GABRR3: variants seen among roughly 807,000 people sequenced by gnomAD.
The protein encoded by GABRR3 is gamma-aminobutyric acid type A receptor subunit rho3.
A neutral mutation model predicts 43.2 loss-of-function variants in GABRR3; 29 were observed. That is an observed-to-expected ratio of 0.67 (90% CI 0.50 to 0.92). GABRR3 has a LOEUF of 0.92. Ranked by LOEUF, GABRR3 falls within the 40% of genes least tolerant of loss-of-function variation. GABRR3 has a pLI of 0.00. For missense variants in GABRR3, 576 were observed against 572.3 expected (o/e 1.01, Z -0.07); for synonymous variants, 206 against 195.9 (o/e 1.05, Z -0.43).
At chr3:98,016,883 T>A (rs949827819) in intron 4 of GABRR3, among the ~76,000 whole-genome samples, 7 of 151,778 alleles carry the variant, frequency 4.6e-5, no homozygotes, top group African/African-American at 1.7e-4. Context: ...ATAGAGAAAA[T>A]AAAATGGAAA....
In GABRR3 at chr3:98,006,771, G is replaced by A. The variant is rs185198270; in HGVS notation, c.754+993C>T. Among the ~76,000 whole-genome samples, 413 of 152,330 alleles carry A rather than the reference G, an allele frequency of 2.7e-3. 1 individual carries two copies. The highest frequency in any genetic ancestry group is 9.3e-3 in the African/African-American group (386 of 41,580). On this transcript the variant is annotated intron_variant, in intron 7 of 9. Coordinates refer to ENST00000621172, the Ensembl canonical transcript of GABRR3. The stretch of plus-strand genomic sequence containing the variant: ...AATATCCAGAAGGGGAATGATAGTG[G>A]AGGGTGAGGAGGGCAGAGGGGAACC...
chr3:97,993,109 C>T, intron 8 of GABRR3, 61 bp from the exon 9 acceptor site: 1 of 1,314,694 alleles, frequency 7.6e-7, no homozygotes, highest in Non-Finnish European at 1.0e-6. Flanking sequence ...GGATCTGGTG[C>T]TGAATCACAC....
chr3:97,993,138 A>G (rs1706493233), intron 8 of GABRR3, 90 bp from the exon 9 acceptor site: 2 of 1,023,606 alleles, frequency 2.0e-6, no homozygotes, highest in African/African-American at 1.6e-5. Context: ...GCATTTCTAG[A>G]ACAATATCAA....
rs374724121 is a variant in GABRR3, at chr3:97,992,846, C to T, written c.1104+6G>A. 2 of 1,599,802 alleles carry T rather than the reference C, an allele frequency of 1.3e-6. No homozygotes were observed. The highest frequency in any genetic ancestry group is 1.7e-6 in the Non-Finnish European group (2 of 1,172,792). On this transcript the variant is annotated splice_donor_region_variant and intron_variant, in intron 9 of 9. Transcript: ENST00000621172. ...AAGGGATCTGATAGTCAGAGCAAGG[C>T]TGTACCTTTCCTGTCTTCTTGAATT...
intron 7 of GABRR3, among the ~76,000 whole-genome samples, chr3:98,003,820 C>T (rs1490920832): frequency 2.0e-5 from 3 of 152,144 alleles, no homozygotes; most frequent in Admixed American, 1.3e-4. Context: ...GTAGCCCCTT[C>T]CTGTTTTCTC....
chr3:97,992,944 A>G (rs1706489383), exon 9 of GABRR3: 1 of 1,613,524 alleles, frequency 6.2e-7, no homozygotes, highest in Non-Finnish European at 8.5e-7. Flanking sequence ...ACAAAGAGGG[A>G]GCTGACCCAC....
chr3:98,000,205 G>T (rs1706621678), intron 8 of GABRR3: 1 of 152,116 alleles, frequency 6.6e-6, no homozygotes, highest in African/African-American at 2.4e-5. Context: ...GTGGTTGCAA[G>T]AAGCAGAGAA....
chr3:98,032,422 A>G (rs1223421859), intron 2 of GABRR3, among the ~76,000 whole-genome samples: 3 of 152,186 alleles, frequency 2.0e-5, no homozygotes, highest in Admixed American at 2.0e-4. Context: ...CGTTGCTCTT[A>G]TAGCATTTTT....
chr3:98,022,217 G>A (rs1165782641), intron 3 of GABRR3, among the ~76,000 whole-genome samples: 1 of 152,190 alleles, frequency 6.6e-6, no homozygotes, highest in Admixed American at 6.5e-5. Flanking sequence ...TATGGGAGAC[G>A]TAAAAGGTGG....
intron 8 of GABRR3, among the ~76,000 whole-genome samples, chr3:97,993,887 CA>C (rs956694875): frequency 1.3e-5 from 2 of 151,866 alleles, no homozygotes; most frequent in African/African-American, 4.8e-5. Context: ...ATCAAGGTTC[CA>C]GGGGGAAAAT....
At chr3:97,997,125 A>G (rs539585210) in intron 8 of GABRR3, among the ~76,000 whole-genome samples, 14 of 152,306 alleles carry the variant, frequency 9.2e-5, no homozygotes, top group African/African-American at 2.9e-4. Context: ...AAAACATGAA[A>G]TAGAGGAAGT....
intron 7 of GABRR3, among the ~76,000 whole-genome samples, chr3:98,005,803 T>C (rs832033): frequency 0.73 from 111,070 of 152,056 alleles, 41,974 homozygotes; most frequent in East Asian, 0.99. Context: ...GCCATAATTA[T>C]TGTATATTTT....
intron 8 of GABRR3, among the ~76,000 whole-genome samples, chr3:97,993,519 A>G (rs1260094076): frequency 1.3e-5 from 2 of 152,112 alleles, no homozygotes; most frequent in Admixed American, 6.6e-5. Context: ...AAAGATCTTT[A>G]GTAGCATTCA....
chr3:98,026,267 G>A (rs1707015218), intron 2 of GABRR3, among the ~76,000 whole-genome samples: 2 of 152,208 alleles, frequency 1.3e-5, no homozygotes, highest in African/African-American at 4.8e-5. Flanking sequence ...TAGAGCCTGA[G>A]GGATGGCAAT....
chr3:97,989,675 G>T (rs991601042), intron 9 of GABRR3, among the ~76,000 whole-genome samples: 1 of 151,976 alleles, frequency 6.6e-6, no homozygotes, highest in African/African-American at 2.4e-5. Flanking sequence ...AAACTGGCAC[G>T]TTTAGCTCTG....
intron 4 of GABRR3, 29 bp from the exon 5 acceptor site, chr3:98,012,596 A>C: frequency 6.5e-7 from 1 of 1,537,350 alleles, no homozygotes; most frequent in Non-Finnish European, 9.0e-7. Flanking sequence ...AGACCAAAAA[A>C]ACCAGTAGGA....
At chr3:98,015,049 C>T (rs1435803542) in intron 4 of GABRR3, among the ~76,000 whole-genome samples, 1 of 152,020 alleles carries the variant, frequency 6.6e-6, no homozygotes, top group Admixed American at 6.5e-5. Flanking sequence ...TAAAATATTC[C>T]AGAAAATGGA....
chr3:98,020,827 C>T (rs854580), intron 3 of GABRR3, among the ~76,000 whole-genome samples: 39,439 of 151,200 alleles, frequency 0.26, 6,194 homozygotes, highest in East Asian at 0.44. Context: ...AAATGTATGC[C>T]CTTGGGTGCC....
intron 7 of GABRR3, among the ~76,000 whole-genome samples, chr3:98,002,627 C>T (rs377434351): frequency 2.6e-5 from 4 of 151,872 alleles, no homozygotes; most frequent in African/African-American, 4.8e-5. Context: ...TGCTTTATTT[C>T]ACAATAACTA....
Sources: gnomAD v4.1 joint callset for allele counts (sites outside exome capture counted in the v4.1 genomes callset) on GRCh38, gnomAD v4.1.1 for gene constraint, MANE v1.5 for transcripts, NCBI Gene and HGNC (gene_info 2026-07-23, HGNC 2026-07-21) for gene names.